ANK3: variants seen among roughly 807,000 people sequenced by gnomAD.
ANK3 encodes ankyrin-3.
Under a neutral mutation model 370.9 loss-of-function variants are expected in ANK3, and 57 were observed. The observed-to-expected ratio is 0.15, with a 90% CI of 0.12 to 0.19. ANK3 has a LOEUF of 0.19. ANK3 is among the 10% of genes least tolerant of loss of function. ANK3 has a pLI of 1.00. For synonymous variants in ANK3, 1,929 were observed against 1,946.3 expected, an observed-to-expected ratio of 0.99 and a Z score of 0.23; for missense variants, 4,439 against 5,302.1, an observed-to-expected ratio of 0.84 and a Z score of 5.06.
chr10:60,027,613 A>G lies in ANK3; in HGVS notation c.*2233T>C, dbSNP rs1275732974. 1 of 152,218 alleles carries G rather than the reference A, an allele frequency of 6.6e-6. No individual in the cohort carries two copies. Among genetic ancestry groups the G allele is most frequent in the East Asian group, 1.9e-4 (1 of 5,202 alleles). 9.4% of individuals were successfully genotyped at this position (152,218 alleles called of 1,614,324 possible). A position where few individuals can be genotyped will look rare whatever the true frequency, so the allele number is the denominator to read the frequency against. On this transcript the variant is annotated 3_prime_UTR_variant, in exon 44 of 44. Coordinates refer to ENST00000280772, the MANE Select transcript of ANK3 (RefSeq NM_020987.5). ...AAGAAAGACAGTACCTAATTCATAA[A>G]GTAGATATGAGGACTAAGTAAGTAA...
intron 2 of ANK3, among the ~76,000 whole-genome samples, chr10:60,412,839 A>G (rs529260900): frequency 6.6e-6 from 1 of 152,292 alleles, no homozygotes; most frequent in African/African-American, 2.4e-5. Context: ...TGATTATTTC[A>G]ATGTGTGTGT....
At chr10:60,503,554 T>C (rs1217319597) in intron 2 of ANK3, among the ~76,000 whole-genome samples, 1 of 152,216 alleles carries the variant, frequency 6.6e-6, no homozygotes, top group Non-Finnish European at 1.5e-5. Context: ...GAGTTTGGGC[T>C]GTTGATCACC....
At position 60,064,213 on chromosome 10, in the gene ANK3, G is replaced by A. The variant is rs2081183018; in HGVS notation, c.12395C>T (p.Ser4132Phe). Residue 4132 changes from serine to phenylalanine, a missense_variant, in exon 39 of 44, where the codon TCT becomes TTT. Coordinates refer to ENST00000280772, the MANE Select transcript of ANK3 (RefSeq NM_020987.5). ...IRVENPNSLI[S>F]QSFMLLKKWV... ...TTTTTTTAATAACATGAAGCTCTGA[G>A]AAATTAAAGAATTTGGATTTTCCAC... 3.8e-6 allele frequency: 6 copies of A among 1,581,768 alleles called. No individual in the cohort carries two copies. The highest frequency in any genetic ancestry group is 5.1e-6 in the Non-Finnish European group (6 of 1,171,180).
intron 1 of ANK3, among the ~76,000 whole-genome samples, chr10:60,365,553 C>T (rs1233388191): frequency 6.6e-6 from 1 of 152,182 alleles, no homozygotes; most frequent in Non-Finnish European, 1.5e-5. Context: ...GAAATACCTG[C>T]TGTTGACAAG....
chr10:60,705,741 T>C (rs2079605204), intron 1 of ANK3, among the ~76,000 whole-genome samples: 1 of 151,954 alleles, frequency 6.6e-6, no homozygotes, highest in Non-Finnish European at 1.5e-5. Flanking sequence ...TCACCAGTGC[T>C]ATTATGAACC....
chr10:60,197,828 G>A (rs1187127445), intron 14 of ANK3, among the ~76,000 whole-genome samples: 1 of 152,168 alleles, frequency 6.6e-6, no homozygotes, highest in Non-Finnish European at 1.5e-5. Context: ...AACTGTTTAT[G>A]TTAGGGTATT....
At position 60,072,055 on chromosome 10, in the gene ANK3, G is replaced by A. The variant is rs759805962; in HGVS notation, c.8826C>T (p.Gly2942=). 22 of 1,613,928 alleles carry A rather than the reference G, an allele frequency of 1.4e-5. No individual in the cohort carries two copies. Among genetic ancestry groups the A allele is most frequent in the South Asian group, 2.2e-5 (2 of 91,084 alleles). ...TCCTGGAAGGCTGATCAAGCAATCC[G>A]CCTGGATGGTCCCCTTCTTTCACAA... ...EYVVKEGDHP[G]GLLDQPSRRS... is the part of the protein sequence containing the mutation. The change falls in exon 37 of 44, where the codon GGC becomes GGT. Residue 2942 remains glycine, a synonymous_variant. Transcript: ENST00000280772.
chr10:60,044,203 CA>C, intron 42 of ANK3: 1 of 984,332 alleles, frequency 1.0e-6, no homozygotes, highest in Non-Finnish European at 1.2e-6. Context: ...ACAAAAGTAG[CA>C]GAGTTTTTAA....
intron 2 of ANK3, among the ~76,000 whole-genome samples, chr10:60,565,323 T>G (rs890657758): frequency 6.6e-6 from 1 of 152,152 alleles, no homozygotes; most frequent in Non-Finnish European, 1.5e-5. Context: ...ACAATAGGGT[T>G]CACACTCCTC....
intron 1 of ANK3, among the ~76,000 whole-genome samples, chr10:60,384,684 G>A (rs1422804433): frequency 6.6e-6 from 1 of 152,148 alleles, no homozygotes; most frequent in Non-Finnish European, 1.5e-5. Context: ...GGGTTATTAG[G>A]AAGACTAAAT....
intron 2 of ANK3, among the ~76,000 whole-genome samples, chr10:60,418,073 C>T (rs112062790): frequency 0.011 from 1,603 of 152,232 alleles, 31 homozygotes; most frequent in African/African-American, 0.037. Context: ...GTTCCTTCTC[C>T]TTCAGTTGTC....
intron 1 of ANK3, among the ~76,000 whole-genome samples, chr10:60,715,214 A>AGTGTGTGT (rs2079766581): frequency 2.3e-5 from 1 of 44,176 alleles, no homozygotes; most frequent in Non-Finnish European, 4.4e-5. Flanking sequence ...TACATATACA[A>AGTGTGTGT]ATGTGTGTGT....
rs190536160 is a variant in ANK3, at chr10:60,486,493, T to C, written c.96+128693A>G. Among the ~76,000 whole-genome samples the C allele has an allele frequency of 2.4e-3, 362 of 152,250 alleles. 1 individual carries two copies. The highest frequency in any genetic ancestry group is 7.9e-3 in the African/African-American group (329 of 41,530). On this transcript the variant is annotated intron_variant, in intron 2 of 43. Transcript: ENST00000373827. ...TACTTGGGATGCTGAGGCAGGAGAA[T>C]CACTTGAACCCAGGAGGCAGAGGTT...
intron 7 of ANK3, among the ~76,000 whole-genome samples, chr10:60,246,796 G>T (rs2097562783): frequency 6.6e-6 from 1 of 152,104 alleles, no homozygotes. Flanking sequence ...TCTTCCTTCG[G>T]TTCTCAAGTG....
chr10:60,444,374 T>C (rs568912944), intron 2 of ANK3, among the ~76,000 whole-genome samples: 63 of 150,984 alleles, frequency 4.2e-4, no homozygotes, highest in African/African-American at 1.4e-3. Flanking sequence ...ATATAACATA[T>C]AAGTGTATAT....
chr10:60,408,195 A>T (rs1267295275), intron 2 of ANK3, among the ~76,000 whole-genome samples: 2 of 152,074 alleles, frequency 1.3e-5, no homozygotes, highest in Non-Finnish European at 2.9e-5. Flanking sequence ...ACTGCTTATG[A>T]TTTCTCTGTC....
At position 60,563,257 on chromosome 10, in the gene ANK3, G is replaced by A. The variant is rs573930014; in HGVS notation, c.96+51929C>T. 3.9e-5 allele frequency among the ~76,000 whole-genome samples: 6 copies of A among 152,224 alleles called. No homozygotes were observed. The South Asian group carries it at 1.0e-3, about 26-fold the overall frequency. On this transcript the variant is annotated intron_variant, in intron 2 of 43. Transcript: ENST00000373827. Reference sequence around the variant, plus strand: ...TATTTTTCCTACCAAACTGAAAACTGCACTACAGACCTTTGCTATAGTGCT... The same window carrying A: ...TATTTTTCCTACCAAACTGAAAACTACACTACAGACCTTTGCTATAGTGCT...
Position 60,227,810 on chromosome 10 carries a change from C to T in ANK3, c.897+6878G>A, listed in dbSNP as rs185726881. ...TATACTCGTTTCTCCTATAGCTTAA[C>T]ATATTTATCTTAGTTATTTTAAATT... On this transcript the variant is annotated intron_variant, in intron 8 of 43. Transcript: ENST00000280772. 3.4e-3 allele frequency among the ~76,000 whole-genome samples: 515 copies of T among 152,266 alleles called. 4 individuals carry two copies. Among genetic ancestry groups the T allele is most frequent in the African/African-American group, 0.012 (497 of 41,560 alleles).
intron 23 of ANK3, among the ~76,000 whole-genome samples, chr10:60,148,161 G>A (rs2094920970): frequency 6.6e-6 from 1 of 152,016 alleles, no homozygotes; most frequent in South Asian, 2.1e-4. Context: ...GAATGACAAA[G>A]TTTGCACACC....
Sources: allele counts gnomAD v4.1 joint callset (sites outside exome capture counted in the v4.1 genomes callset), GRCh38; gene constraint gnomAD v4.1.1; transcripts MANE v1.5; gene names NCBI Gene and HGNC (gene_info 2026-07-23, HGNC 2026-07-21).